Variants in SSUH2 observed in about 807,000 individuals in gnomAD.
SSUH2 encodes protein SSUH2 homolog.
A neutral mutation model predicts 55.3 loss-of-function variants in SSUH2; 47 were observed. The ratio of observed to expected loss-of-function variants is 0.85; its 90% CI spans 0.67 to 1.08. The LOEUF (loss-of-function observed/expected upper bound fraction) is 1.08, where lower values mean the gene tolerates loss of function less well. Ranked by LOEUF, SSUH2 falls within the 50% of genes least tolerant of loss-of-function variation. The pLI is 0.00. For missense variants in SSUH2, 535 were observed against 490.7 expected, an observed-to-expected ratio of 1.09 and a Z score of -0.85; for synonymous variants, 212 against 191.5, an observed-to-expected ratio of 1.11 and a Z score of -0.89.
intron 7 of SSUH2, among the ~76,000 whole-genome samples, chr3:8,652,551 C>A (rs1209982382): frequency 6.6e-6 from 1 of 152,160 alleles, no homozygotes; most frequent in Non-Finnish European, 1.5e-5. Context: ...GCTTTTCCTG[C>A]CTACTTAGAT....
intron 8 of SSUH2, chr3:8,627,429 C>G (rs1421324080): frequency 8.4e-6 from 3 of 358,966 alleles, no homozygotes; most frequent in Non-Finnish European, 1.0e-5. Context: ...CCTGGTAACC[C>G]CGTCCCTGTG....
At chr3:8,681,250 G>GA in intron 1 of SSUH2, among the ~76,000 whole-genome samples, 1 of 142,898 alleles carries the variant, frequency 7.0e-6, no homozygotes. Flanking sequence ...CAGGGTGGGA[G>GA]GAACCCCGTG....
At chr3:8,650,090 T>C (rs1472049727) in intron 7 of SSUH2, among the ~76,000 whole-genome samples, 3 of 152,092 alleles carry the variant, frequency 2.0e-5, no homozygotes, top group Non-Finnish European at 4.4e-5. Context: ...TACAGATCTC[T>C]ACACAAACTG....
At chr3:8,643,733 G>A (rs1701259442) in intron 1 of SSUH2, among the ~76,000 whole-genome samples, 1 of 152,184 alleles carries the variant, frequency 6.6e-6, no homozygotes, top group Non-Finnish European at 1.5e-5. Flanking sequence ...TTGTGTTAGT[G>A]TCATGGATCT....
At chr3:8,670,009 C>A (rs957939138) in intron 5 of SSUH2, among the ~76,000 whole-genome samples, 6 of 152,092 alleles carry the variant, frequency 3.9e-5, no homozygotes, top group Admixed American at 1.3e-4. Context: ...GTTTTTGATC[C>A]GCTCCCCTTA....
Position 8,679,283 on chromosome 3 carries a change from AG to A in SSUH2, c.-901+421del, listed in dbSNP as rs769882848. On this transcript the variant is annotated intron_variant, in intron 2 of 18. Transcript: ENST00000317371. ...CCCTGGCTTTTAGGACCCCCATCGG[AG>A]GGGGGGAGCCACCCCCCATGAGGCG... Among the ~76,000 whole-genome samples, 307 of 70,310 alleles carry A rather than the reference AG, an allele frequency of 4.4e-3. 73 individuals carry two copies. Among genetic ancestry groups the A allele is most frequent in the Non-Finnish European group, 7.3e-3 (231 of 31,840 alleles). The allele number at this position is 70,310 out of a possible 152,430, so 46.1% of individuals were successfully genotyped here.
Position 8,664,624 on chromosome 3 carries a change from T to C in SSUH2, c.-454-822A>G, listed in dbSNP as rs531491249. 1.7e-3 allele frequency among the ~76,000 whole-genome samples: 260 copies of C among 152,302 alleles called. 1 individual carries two copies. The highest frequency in any genetic ancestry group is 2.9e-3 in the South Asian group (14 of 4,828). ...ATGAGGAAAAGATCTTCAGAAGCTA[T>C]GTACACAGTGAAGATTACAAACCTG... is the stretch of plus-strand genomic sequence containing the variant. On this transcript the variant is annotated intron_variant, in intron 5 of 18. Coordinates refer to the SSUH2 transcript ENST00000317371.
Position 8,676,569 on chromosome 3 carries a change from C to T in SSUH2, c.-753+637G>A, listed in dbSNP as rs189263210. Among the ~76,000 whole-genome samples, 55 of 151,114 alleles carry T rather than the reference C, an allele frequency of 3.6e-4. 3 individuals are homozygous for T. Among genetic ancestry groups the T allele is most frequent in the Non-Finnish European group, 6.9e-4 (47 of 67,880 alleles). ...CATATTGGGAGTAATATCAACCTCT[C>T]GGCCTCTGAATATTAGGAAGAATAT... On this transcript the variant is annotated intron_variant, in intron 3 of 18. Transcript: ENST00000317371.
intron 1 of SSUH2, among the ~76,000 whole-genome samples, chr3:8,681,589 G>A (rs572952501): frequency 6.6e-6 from 1 of 150,938 alleles, no homozygotes; most frequent in Admixed American, 6.6e-5. Flanking sequence ...GGGACTGAGA[G>A]CCAGCCACTC....
intron 5 of SSUH2, among the ~76,000 whole-genome samples, chr3:8,666,704 CA>C (rs1471799271): frequency 6.6e-6 from 1 of 152,144 alleles, no homozygotes; most frequent in Non-Finnish European, 1.5e-5. Context: ...AATTCAATTC[CA>C]ACACGATTTA....
chr3:8,649,295 G>A (rs1231283581), upstream of SSUH2, among the ~76,000 whole-genome samples: 1 of 152,164 alleles, frequency 6.6e-6, no homozygotes, highest in Non-Finnish European at 1.5e-5. Flanking sequence ...GAAGAGGGCA[G>A]GAATTGCATT....
intron 3 of SSUH2, among the ~76,000 whole-genome samples, chr3:8,676,919 C>T (rs1354708802): frequency 1.4e-5 from 2 of 144,652 alleles, no homozygotes; most frequent in Non-Finnish European, 3.1e-5. Context: ...TCTTTCCCCC[C>T]TGGCTCTTAG....
chr3:8,634,094 G>T, intron 3 of SSUH2: 1 of 773,454 alleles, frequency 1.3e-6, no homozygotes, highest in Non-Finnish European at 2.0e-6. Context: ...GAGAGGAATT[G>T]TACCATTTTA....
intron 1 of SSUH2, among the ~76,000 whole-genome samples, chr3:8,639,145 G>A (rs1700414559): frequency 6.6e-6 from 1 of 152,204 alleles, no homozygotes; most frequent in Admixed American, 6.5e-5. Context: ...GGCTCAGCAG[G>A]GAATGTGGAC....
rs77838135 is a variant in SSUH2, at chr3:8,620,199, A to T, written c.982-185T>A. Among the ~76,000 whole-genome samples, 1,328 of 152,212 alleles carry T rather than the reference A, an allele frequency of 8.7e-3. 35 individuals are homozygous for T. Among genetic ancestry groups the T allele is most frequent in the African/African-American group, 0.031 (1,271 of 41,512 alleles). On this transcript the variant is annotated intron_variant, in intron 11 of 11. Coordinates refer to ENST00000544814, the MANE Select transcript of SSUH2 (RefSeq NM_001256748.3). ...CTTGAATTATAATAATCTTCATGTG[A>T]CATAAGAGGACCTAGAGGGAGGTAA...
At chr3:8,637,478 G>GC (rs1700117059) in intron 1 of SSUH2, among the ~76,000 whole-genome samples, 1 of 152,158 alleles carries the variant, frequency 6.6e-6, no homozygotes, top group African/African-American at 2.4e-5. Flanking sequence ...ACCTGGGGGT[G>GC]TGGAAGGCAG....
intron 1 of SSUH2, among the ~76,000 whole-genome samples, chr3:8,636,495 A>AC (rs1699950808): frequency 6.6e-6 from 1 of 152,074 alleles, no homozygotes; most frequent in Non-Finnish European, 1.5e-5. Context: ...CCTGAGCCCT[A>AC]CCCTAATTCC....
intron 1 of SSUH2, among the ~76,000 whole-genome samples, chr3:8,642,124 A>T (rs968818676): frequency 2.0e-5 from 3 of 152,234 alleles, no homozygotes; most frequent in African/African-American, 7.2e-5. Flanking sequence ...TTTATAGCCC[A>T]TCTTACTTGA....
chr3:8,657,087 G>A (rs566926540), intron 7 of SSUH2, among the ~76,000 whole-genome samples: 1 of 152,220 alleles, frequency 6.6e-6, no homozygotes, highest in African/African-American at 2.4e-5. Flanking sequence ...TGCCATGTTG[G>A]CCAAGCTGGT....
Sources: gnomAD v4.1 joint callset for allele counts (sites outside exome capture counted in the v4.1 genomes callset) on GRCh38, gnomAD v4.1.1 for gene constraint, MANE v1.5 for transcripts, NCBI Gene and HGNC (gene_info 2026-07-23, HGNC 2026-07-21) for gene names.